The following FAM184B variants were observed in gnomAD, a reference collection of about 807,000 sequenced individuals.
FAM184B encodes the protein family with sequence similarity 184 member B, also known as protein FAM184B.
A neutral mutation model predicts 135.9 loss-of-function variants in FAM184B; 111 were observed. The ratio of observed to expected loss-of-function variants is 0.82; its 90% CI spans 0.70 to 0.96. FAM184B has a LOEUF of 0.96. FAM184B is among the 40% of genes least tolerant of loss of function. FAM184B has a pLI of 0.00. For missense variants in FAM184B, 1,375 were observed against 1,323.9 expected, an observed-to-expected ratio of 1.04 and a Z score of -0.60; for synonymous variants, 552 against 524.8, an observed-to-expected ratio of 1.05 and a Z score of -0.71.
At chr4:17,657,685 C>T in intron 10 of FAM184B, among the ~76,000 whole-genome samples, 1 of 117,822 alleles carries the variant, frequency 8.5e-6, no homozygotes. Flanking sequence ...GAGACAGAGT[C>T]TTGCTCTGTC....
intron 1 of FAM184B, among the ~76,000 whole-genome samples, chr4:17,761,264 C>T (rs1718538916): frequency 6.6e-6 from 1 of 151,540 alleles, no homozygotes. Context: ...TCTCTCTCTC[C>T]CTGTGTGCAC....
At chr4:17,755,576 A>G (rs1718400262) in intron 1 of FAM184B, among the ~76,000 whole-genome samples, 1 of 152,268 alleles carries the variant, frequency 6.6e-6, no homozygotes, top group South Asian at 2.1e-4. Flanking sequence ...CTAAAGGAAT[A>G]TAAGTCATTT....
intron 7 of FAM184B, among the ~76,000 whole-genome samples, chr4:17,682,409 G>C (rs1436122261): frequency 2.0e-5 from 3 of 152,170 alleles, no homozygotes; most frequent in Non-Finnish European, 4.4e-5. Flanking sequence ...CTCCCTGCAT[G>C]TTCTGGGAGT....
At chr4:17,752,675 A>G (rs1001081534) in intron 1 of FAM184B, among the ~76,000 whole-genome samples, 2 of 152,166 alleles carry the variant, frequency 1.3e-5, no homozygotes, top group Admixed American at 6.6e-5. Flanking sequence ...CAAAATTTGT[A>G]TATGTCATAT....
intron 5 of FAM184B, among the ~76,000 whole-genome samples, chr4:17,697,840 A>C (rs931946404): frequency 2.0e-5 from 3 of 152,180 alleles, no homozygotes; most frequent in Non-Finnish European, 2.9e-5. Flanking sequence ...TGTAACCTTG[A>C]CAAATGAACC....
chr4:17,638,134 C>CCT (rs1715200429), intron 14 of FAM184B, among the ~76,000 whole-genome samples: 21 of 73,404 alleles, frequency 2.9e-4, no homozygotes, highest in African/African-American at 9.2e-4. Context: ...TAACTGTTTG[C>CCT]TTTTTTTTTT....
intron 1 of FAM184B, among the ~76,000 whole-genome samples, chr4:17,729,966 C>T (rs558797227): frequency 7.2e-4 from 109 of 151,904 alleles, no homozygotes; most frequent in Middle Eastern, 3.4e-3. Context: ...CAAACTACTC[C>T]GAGCTACAGG....
intron 1 of FAM184B, among the ~76,000 whole-genome samples, chr4:17,768,801 T>A (rs1718754177): frequency 2.0e-5 from 3 of 151,346 alleles, no homozygotes. Context: ...AATGTTTATT[T>A]CTTTTTTCTT....
intron 12 of FAM184B, among the ~76,000 whole-genome samples, chr4:17,642,860 A>C (rs1286359369): frequency 2.0e-5 from 3 of 152,282 alleles, no homozygotes; most frequent in African/African-American, 7.2e-5. Flanking sequence ...ATTGCTGTCC[A>C]ACAGCAAATG....
intron 1 of FAM184B, among the ~76,000 whole-genome samples, chr4:17,724,695 C>G (rs1014528331): frequency 6.6e-6 from 1 of 152,222 alleles, no homozygotes; most frequent in African/African-American, 2.4e-5. Flanking sequence ...GTTGCAGGCA[C>G]TCTGCGCTTG....
At chr4:17,695,980 G>A (rs2108959931) in intron 5 of FAM184B, among the ~76,000 whole-genome samples, 1 of 152,288 alleles carries the variant, frequency 6.6e-6, no homozygotes, top group Non-Finnish European at 1.5e-5. Context: ...AATTTCCTGT[G>A]AATTAGAGGT....
intron 11 of FAM184B, among the ~76,000 whole-genome samples, chr4:17,648,639 G>A (rs1715529127): frequency 6.6e-6 from 1 of 152,052 alleles, no homozygotes; most frequent in Non-Finnish European, 1.5e-5. Context: ...TAGCGCGTGA[G>A]CCACAGTACC....
At chr4:17,648,020 C>T (rs1715514820) in intron 11 of FAM184B, among the ~76,000 whole-genome samples, 1 of 152,138 alleles carries the variant, frequency 6.6e-6, no homozygotes, top group Admixed American at 6.5e-5. Flanking sequence ...AATTATCCCC[C>T]ACCCCCGCTT....
chr4:17,658,563 C>T lies in FAM184B; in HGVS notation c.1825-1G>A, dbSNP rs1715835703. ...CCAGAGCCTGCTGCATCTGTGAGAC[C>T]TGCGCACAAGGCATCCTGCCCTCAG... On this transcript the variant is annotated splice_acceptor_variant, in intron 9 of 17. Transcript: ENST00000265018. LOFTEE classifies it high-confidence loss of function. 6.5e-7 allele frequency: 1 copy of T among 1,550,362 alleles called. No individual in the cohort carries two copies. The highest frequency in any genetic ancestry group is 2.0e-5 in the Admixed American group (1 of 50,986).
Position 17,631,743 on chromosome 4 carries a change from G to A in FAM184B, c.*789C>T, listed in dbSNP as rs1220304992. 2.6e-5 allele frequency: 4 copies of A among 152,116 alleles called. No individual in the cohort carries two copies. The highest frequency in any genetic ancestry group is 5.9e-5 in the Non-Finnish European group (4 of 68,036). 9.4% of individuals were successfully genotyped at this position (152,116 alleles called of 1,614,324 possible). On this transcript the variant is annotated 3_prime_UTR_variant, in exon 18 of 18. Transcript: ENST00000265018. ...TCCAAGCATGCTACCATCCATTTCT[G>A]GTAGGTTTGGTTTGTTTTTAGTTGG... is the stretch of plus-strand genomic sequence containing the variant.
chr4:17,643,743 C>A (rs1321641651), intron 12 of FAM184B, among the ~76,000 whole-genome samples: 3 of 152,200 alleles, frequency 2.0e-5, no homozygotes. Flanking sequence ...CACATGATTC[C>A]CATGTCCCCC....
intron 1 of FAM184B, among the ~76,000 whole-genome samples, chr4:17,734,239 C>A (rs184388455): frequency 6.6e-6 from 1 of 152,136 alleles, no homozygotes; most frequent in Non-Finnish European, 1.5e-5. Context: ...TAGAAGAAAA[C>A]CTAGGCAATA....
chr4:17,654,627 C>T (rs548908933), intron 10 of FAM184B, among the ~76,000 whole-genome samples: 1 of 152,334 alleles, frequency 6.6e-6, no homozygotes, highest in Admixed American at 6.5e-5. Flanking sequence ...TCCACTCACT[C>T]ATGCAGTGGG....
chr4:17,657,935 G>T (rs1715814192), intron 10 of FAM184B, among the ~76,000 whole-genome samples: 1 of 152,134 alleles, frequency 6.6e-6, no homozygotes, highest in South Asian at 2.1e-4. Flanking sequence ...GGGATTACAG[G>T]CATGAGCCAC....
Sources: gnomAD v4.1 joint callset for allele counts (sites outside exome capture counted in the v4.1 genomes callset) on GRCh38, gnomAD v4.1.1 for gene constraint, MANE v1.5 for transcripts, NCBI Gene and HGNC (gene_info 2026-07-23, HGNC 2026-07-21) for gene names.